The following OVCH1 variants were observed in gnomAD, a reference collection of about 807,000 sequenced individuals.
The protein encoded by OVCH1 is ovochymase-1.
In OVCH1, 139 loss-of-function variants were observed where a neutral mutation model predicts 138.4. The observed-to-expected ratio is 1.00, with a 90% CI of 0.87 to 1.16. The LOEUF (loss-of-function observed/expected upper bound fraction) is 1.16, where lower values mean the gene tolerates loss of function less well. Ranked by LOEUF, OVCH1 falls within the 50% of genes most tolerant of loss-of-function variation. The pLI, the probability that OVCH1 is intolerant of heterozygous loss-of-function variation, is 0.00. For missense variants in OVCH1, 1,367 were observed against 1,357.9 expected, an observed-to-expected ratio of 1.01 and a Z score of -0.11; for synonymous variants, 453 against 467.8, an observed-to-expected ratio of 0.97 and a Z score of 0.41.
intron 16 of OVCH1, among the ~76,000 whole-genome samples, chr12:29,467,033 ATG>A (rs1942344085): frequency 6.6e-6 from 1 of 152,056 alleles, no homozygotes. Context: ...TGACTTACTC[ATG>A]TGTTTCAATA....
At chr12:29,477,615 T>C (rs1047348120) in intron 9 of OVCH1, 137 bp from the exon 11 acceptor site, 2 of 1,606,144 alleles carry the variant, frequency 1.2e-6, no homozygotes, top group Non-Finnish European at 1.7e-6. Context: ...CCTTTGATCA[T>C]TCAACATTCC....
chr12:29,411,616 C>T (rs1036323296), downstream of OVCH1, among the ~76,000 whole-genome samples: 30 of 152,088 alleles, frequency 2.0e-4, no homozygotes, highest in Non-Finnish European at 3.2e-4. Context: ...TGCAGAACAG[C>T]GGTTTTTCGT....
Position 29,455,231 on chromosome 12 carries a change from C to T in OVCH1, c.2437+18G>A. 6.2e-7 allele frequency: 1 copy of T among 1,609,122 alleles called. No individual in the cohort carries two copies. The highest frequency in any genetic ancestry group is 8.5e-7 in the Non-Finnish European group (1 of 1,177,490). On this transcript the variant is annotated intron_variant, in intron 20 of 27. Transcript: ENST00000318184. ...AAGAAAGAGGTTATTGTTTTAATAA[C>T]ATTTGAAAACAATTTACCATTGATT...
chr12:29,459,754 G>A (rs1460508994), intron 19 of OVCH1, among the ~76,000 whole-genome samples: 2 of 151,884 alleles, frequency 1.3e-5, no homozygotes. Context: ...AAATATATAT[G>A]CCTACTATAT....
At chr12:29,466,057 T>G (rs1455094790) in intron 16 of OVCH1, among the ~76,000 whole-genome samples, 4 of 124,156 alleles carry the variant, frequency 3.2e-5, no homozygotes, top group Non-Finnish European at 6.2e-5. Context: ...TGAGAACACC[T>G]AGACACAGGA....
chr12:29,424,616 A>AAAC (rs1436386360), downstream of OVCH1, among the ~76,000 whole-genome samples: 1 of 152,224 alleles, frequency 6.6e-6, no homozygotes, highest in Non-Finnish European at 1.5e-5. Flanking sequence ...TTCTAAAACC[A>AAAC]AACTGCTGGT....
At chr12:29,446,989 AAGAATAAGCAT>A (rs1174866384) in intron 22 of OVCH1, among the ~76,000 whole-genome samples, 3 of 152,106 alleles carry the variant, frequency 2.0e-5, no homozygotes, top group Non-Finnish European at 2.9e-5. Context: ...TGACAATACT[AAGAATAAGCAT>A]TAGGAATAAA....
At chr12:29,404,766 T>C in the OVCH1 span, among the ~76,000 whole-genome samples, 1 of 152,046 alleles carries the variant, frequency 6.6e-6, no homozygotes, top group Non-Finnish European at 1.5e-5. Context: ...GTCACGCCTG[T>C]AATTCCAGCA....
downstream of OVCH1, among the ~76,000 whole-genome samples, chr12:29,409,691 G>C (rs536398167): frequency 2.0e-5 from 3 of 152,230 alleles, no homozygotes; most frequent in East Asian, 3.9e-4. Flanking sequence ...TATAATTTCT[G>C]TTCCTTTACA....
the OVCH1 span, among the ~76,000 whole-genome samples, chr12:29,405,164 C>CA: frequency 6.6e-6 from 1 of 150,396 alleles, no homozygotes; most frequent in African/African-American, 2.4e-5. Context: ...TTCACTTCAA[C>CA]TATCAAATTA....
At chr12:29,477,433 G>C (rs749292752) in exon 11 of OVCH1, 2 of 1,613,940 alleles carry the variant, frequency 1.2e-6, no homozygotes, top group Non-Finnish European at 1.7e-6. Flanking sequence ...GGCCTCACTG[G>C]TCTCTGCCAG....
chr12:29,406,603 G>T, the OVCH1 span, among the ~76,000 whole-genome samples: 1 of 150,830 alleles, frequency 6.6e-6, no homozygotes. Context: ...ATGATTTCCA[G>T]TTTCATCCAT....
At chr12:29,409,275 T>C (rs1272160737), downstream of OVCH1, among the ~76,000 whole-genome samples, 2 of 152,236 alleles carry the variant, frequency 1.3e-5, no homozygotes, top group African/African-American at 4.8e-5. Flanking sequence ...GATTCATTAA[T>C]GTTTTGAAGG....
exon 21 of OVCH1, chr12:29,454,883 ATTG>A (rs1941901140): frequency 6.2e-7 from 1 of 1,613,020 alleles, no homozygotes; most frequent in Non-Finnish European, 8.5e-7. Flanking sequence ...GGTGGTGGCA[ATTG>A]TTGTTTTAAG....
chr12:29,433,256 G>A (rs1941301349), intron 27 of OVCH1, among the ~76,000 whole-genome samples: 1 of 152,162 alleles, frequency 6.6e-6, no homozygotes, highest in South Asian at 2.1e-4. Context: ...CCGGTAGGAG[G>A]TAATTGAATC....
chr12:29,436,614 T>C (rs937468609), intron 26 of OVCH1, among the ~76,000 whole-genome samples: 2 of 152,194 alleles, frequency 1.3e-5, no homozygotes, highest in African/African-American at 4.8e-5. Flanking sequence ...AGATGGCGTG[T>C]CTAGAGTTTG....
intron 14 of OVCH1, among the ~76,000 whole-genome samples, chr12:29,473,551 C>T (rs1390527572): frequency 6.6e-6 from 1 of 152,130 alleles, no homozygotes; most frequent in African/African-American, 2.4e-5. Context: ...GGATTTCCCA[C>T]AAGCTAATAT....
the OVCH1 span, among the ~76,000 whole-genome samples, chr12:29,405,234 T>A: frequency 1.2e-4 from 18 of 152,130 alleles, no homozygotes; most frequent in African/African-American, 4.3e-4. Context: ...TTCTTGCCTT[T>A]CTTTTTAAAA....
At chr12:29,423,568 A>T (rs941497977), downstream of OVCH1, among the ~76,000 whole-genome samples, 1 of 152,170 alleles carries the variant, frequency 6.6e-6, no homozygotes, top group African/African-American at 2.4e-5. Context: ...GATGGGAGGA[A>T]AAAAGGGCAT....
Sources: gnomAD v4.1 joint callset for allele counts (sites outside exome capture counted in the v4.1 genomes callset) on GRCh38, gnomAD v4.1.1 for gene constraint, MANE v1.5 for transcripts, NCBI Gene and HGNC (gene_info 2026-07-23, HGNC 2026-07-21) for gene names.